The following SEMA5A variants were observed in gnomAD, a reference collection of about 807,000 sequenced individuals.
SEMA5A encodes the protein semaphorin-5A.
A neutral mutation model predicts 135.5 loss-of-function variants in SEMA5A; 55 were observed. The observed-to-expected ratio is 0.41, with a 90% CI of 0.33 to 0.51. SEMA5A has a LOEUF of 0.51. Ranked by LOEUF, SEMA5A falls within the 20% of genes least tolerant of loss-of-function variation. SEMA5A has a pLI of 0.37. For synonymous variants in SEMA5A, 580 were observed against 546.5 expected, an observed-to-expected ratio of 1.06 and a Z score of -0.85; for missense variants, 1,290 against 1,419.9, an observed-to-expected ratio of 0.91 and a Z score of 1.47.
At chr5:9,104,336 G>T (rs1034353980) in intron 16 of SEMA5A, among the ~76,000 whole-genome samples, 32 of 152,186 alleles carry the variant, frequency 2.1e-4, no homozygotes, top group African/African-American at 7.7e-4. Flanking sequence ...GTTATTTTAT[G>T]ATGTAATACA....
chr5:9,542,877 G>A (rs1738167352), intron 1 of SEMA5A, among the ~76,000 whole-genome samples: 1 of 152,040 alleles, frequency 6.6e-6, no homozygotes, highest in South Asian at 2.1e-4. Context: ...TTAACTCTAG[G>A]GTTCATGATC....
intron 6 of SEMA5A, 127 bp downstream of exon 6, chr5:9,237,701 T>G: frequency 1.4e-6 from 1 of 726,676 alleles, no homozygotes; most frequent in South Asian, 2.4e-5. Context: ...GTATACATAT[T>G]TTGAATCTTG....
chr5:9,156,619 T>C (rs1742971058), intron 11 of SEMA5A, among the ~76,000 whole-genome samples: 1 of 152,150 alleles, frequency 6.6e-6, no homozygotes, highest in Non-Finnish European at 1.5e-5. Context: ...GGAGCTTTCA[T>C]AGAAGTTCAG....
intron 5 of SEMA5A, among the ~76,000 whole-genome samples, chr5:9,302,772 C>T (rs1302221739): frequency 6.6e-6 from 1 of 152,150 alleles, no homozygotes; most frequent in Admixed American, 6.5e-5. Context: ...AGATACATAT[C>T]CATTAGTTCA....
At chr5:9,392,292 T>A (rs1478646030) in intron 2 of SEMA5A, among the ~76,000 whole-genome samples, 1 of 152,212 alleles carries the variant, frequency 6.6e-6, no homozygotes, top group Non-Finnish European at 1.5e-5. Context: ...TTTTTTTACA[T>A]CCTATTATAT....
chr5:9,220,227 GA>G (rs1746857651), intron 8 of SEMA5A, among the ~76,000 whole-genome samples: 1 of 152,142 alleles, frequency 6.6e-6, no homozygotes, highest in Non-Finnish European at 1.5e-5. Flanking sequence ...GGGAGTGGGG[GA>G]TAAAAGACTA....
chr5:9,312,224 AG>A (rs1393906055), intron 5 of SEMA5A, among the ~76,000 whole-genome samples: 1 of 152,086 alleles, frequency 6.6e-6, no homozygotes, highest in East Asian at 1.9e-4. Flanking sequence ...CTTATACTGA[AG>A]ATTTGAATCT....
chr5:9,287,033 T>C (rs895258138), intron 5 of SEMA5A, among the ~76,000 whole-genome samples: 1 of 152,176 alleles, frequency 6.6e-6, no homozygotes, highest in African/African-American at 2.4e-5. Flanking sequence ...TTGAGGGAGA[T>C]AACATACACT....
intron 14 of SEMA5A, among the ~76,000 whole-genome samples, chr5:9,121,036 C>T (rs964756020): frequency 6.6e-6 from 1 of 152,086 alleles, no homozygotes; most frequent in Non-Finnish European, 1.5e-5. Context: ...CCTCAGCCTC[C>T]CAAAGAGTTG....
At chr5:9,226,802 G>C in intron 7 of SEMA5A, 67 bp downstream of exon 7, 1 of 1,246,966 alleles carries the variant, frequency 8.0e-7, no homozygotes, top group Non-Finnish European at 1.2e-6. Context: ...TTTAAAACTA[G>C]TATTTTTACA....
chr5:9,459,349 A>G (rs560914889), intron 1 of SEMA5A, among the ~76,000 whole-genome samples: 1 of 152,366 alleles, frequency 6.6e-6, no homozygotes, highest in Non-Finnish European at 1.5e-5. Context: ...TATATTATAT[A>G]AAATTGCAGC....
At chr5:9,509,564 C>T (rs1736094194) in intron 1 of SEMA5A, among the ~76,000 whole-genome samples, 1 of 152,132 alleles carries the variant, frequency 6.6e-6, no homozygotes, top group Non-Finnish European at 1.5e-5. Flanking sequence ...CATGAGCCAC[C>T]ATGCCCGGCC....
chr5:9,141,862 CTT>C (rs1043766550), intron 12 of SEMA5A, among the ~76,000 whole-genome samples: 2 of 152,146 alleles, frequency 1.3e-5, no homozygotes, highest in Admixed American at 6.5e-5. Context: ...TCAGTGATGA[CTT>C]TATCTGGCTT....
intron 1 of SEMA5A, among the ~76,000 whole-genome samples, chr5:9,486,824 G>C (rs1476865573): frequency 6.6e-6 from 1 of 152,144 alleles, no homozygotes; most frequent in African/African-American, 2.4e-5. Flanking sequence ...CTTTACCTAT[G>C]ATAATCTGCT....
At chr5:9,510,091 A>C (rs1365889622) in intron 1 of SEMA5A, among the ~76,000 whole-genome samples, 2 of 152,174 alleles carry the variant, frequency 1.3e-5, no homozygotes, top group Non-Finnish European at 2.9e-5. Flanking sequence ...ATTCCAGGGA[A>C]TCTGGAAAGA....
chr5:9,195,567 T>C (rs181737406), intron 10 of SEMA5A, among the ~76,000 whole-genome samples: 1 of 152,378 alleles, frequency 6.6e-6, no homozygotes, highest in Non-Finnish European at 1.5e-5. Context: ...CATGCATTTT[T>C]ATCCCTTTCC....
chr5:9,448,475 G>A (rs1306043918), intron 1 of SEMA5A, among the ~76,000 whole-genome samples: 2 of 152,194 alleles, frequency 1.3e-5, no homozygotes, highest in Admixed American at 6.5e-5. Flanking sequence ...CCCAACAGTG[G>A]AATTGGGTTT....
intron 5 of SEMA5A, among the ~76,000 whole-genome samples, chr5:9,259,352 G>A (rs1186817082): frequency 6.6e-6 from 1 of 152,080 alleles, no homozygotes; most frequent in Non-Finnish European, 1.5e-5. Flanking sequence ...TTTCCATGTA[G>A]TTGAGTGGCT....
intron 13 of SEMA5A, among the ~76,000 whole-genome samples, chr5:9,125,499 A>G (rs1003446942): frequency 2.6e-5 from 4 of 151,710 alleles, no homozygotes; most frequent in African/African-American, 9.7e-5. Flanking sequence ...CCCCCTCACA[A>G]CCCACCCTCC....
Sources: allele counts gnomAD v4.1 joint callset (sites outside exome capture counted in the v4.1 genomes callset), GRCh38; gene constraint gnomAD v4.1.1; transcripts MANE v1.5; gene names NCBI Gene and HGNC (gene_info 2026-07-23, HGNC 2026-07-21).